Variants in SOD1 observed in about 807,000 individuals in gnomAD.
The protein encoded by SOD1 is superoxide dismutase 1.
SOD1 carries 8 observed loss-of-function variants against 15.9 expected under a neutral mutation model. That is an observed-to-expected ratio of 0.50 (90% CI 0.30 to 0.91). The LOEUF (loss-of-function observed/expected upper bound fraction) is 0.91. Among genes scored for constraint, SOD1 ranks in the 40% least tolerant of loss-of-function variants. The pLI, the probability that SOD1 is intolerant of heterozygous loss-of-function variation, is 0.07. For missense variants in SOD1, 137 were observed against 194.5 expected, an observed-to-expected ratio of 0.70 and a Z score of 1.76; for synonymous variants, 86 against 71.2, an observed-to-expected ratio of 1.21 and a Z score of -1.04.
chr21:31,663,689 C>T (rs1443242704), intron 1 of SOD1, 101 bp from the exon 2 acceptor site: 4 of 925,764 alleles, frequency 4.3e-6, no homozygotes, highest in Admixed American at 1.9e-5. Context: ...GATTTTTCCA[C>T]TCCCAAGTCT....
rs535923763 is a variant in SOD1, at chr21:31,663,897, T to A, written c.169+11T>A. The A allele has an allele frequency of 1.9e-6, 3 of 1,601,920 alleles. No homozygotes were observed. The South Asian group carries it at 3.3e-5, about 18-fold the overall frequency. ...GAGATAATACAGCAGGTGGGTGTTG[T>A]GCTGTGCTGGTGACCCATACTTGTT... On this transcript the variant is annotated intron_variant, in intron 2 of 4. Transcript: ENST00000270142.
At position 31,666,831 on chromosome 21, in the gene SOD1, A is replaced by T. The variant is rs940694072; in HGVS notation, c.239+313A>T. The stretch of plus-strand genomic sequence containing the variant: ...GTACTGTCAACCACTAGCAAAATCA[A>T]TCATCATTGTGAAACATAGGAAGCT... On this transcript the variant is annotated intron_variant, in intron 3 of 4. Transcript: ENST00000270142. 7 of 425,464 alleles carry T rather than the reference A, an allele frequency of 1.6e-5. No homozygotes were observed. In the Admixed American group the frequency reaches 2.7e-4, roughly 17 times the overall value. The allele number at this position is 425,464 out of a possible 1,614,324, so 26.4% of individuals were successfully genotyped here.
rs1048624863 is a variant in SOD1 at position 31,668,383 on chromosome 21, T to G, written c.358-88T>G. ...GATTAATGTTATTTTTCTAATATTATGAGGTTCTTAAACATCTTTTGGGTA... is the reference window on the plus strand; with the variant it reads ...GATTAATGTTATTTTTCTAATATTAGGAGGTTCTTAAACATCTTTTGGGTA... On this transcript the variant is annotated intron_variant, in intron 4 of 4. Transcript: ENST00000270142. 13 of 846,478 alleles carry G rather than the reference T, an allele frequency of 1.5e-5. No individual in the cohort carries two copies. The East Asian group carries it at 2.7e-4, about 17-fold the overall frequency. The allele number at this position is 846,478 out of a possible 1,614,324, so 52.4% of individuals were successfully genotyped here.
intron 1 of SOD1, among the ~76,000 whole-genome samples, chr21:31,662,113 G>C (rs1377846283): frequency 6.6e-6 from 1 of 152,152 alleles, no homozygotes; most frequent in East Asian, 1.9e-4. Context: ...CCTGGTCCCT[G>C]CAGGGTTGTA....
rs1555836710 is a variant in SOD1, at chr21:31,666,431, T to C, written c.170-18T>C. 1.9e-6 allele frequency: 3 copies of C among 1,589,680 alleles called. No homozygotes were observed. The highest frequency in any genetic ancestry group is 2.2e-5 in the South Asian group (2 of 90,024). Reference sequence around the variant, plus strand: ...TTTAATTCATAATTTAGCTTTTTTTTCTTCTTCTTATAAATAGGCTGTACC... The same window carrying C: ...TTTAATTCATAATTTAGCTTTTTTTCCTTCTTCTTATAAATAGGCTGTACC... On this transcript the variant is annotated intron_variant, in intron 2 of 4. Coordinates refer to ENST00000270142, the MANE Select transcript of SOD1 (RefSeq NM_000454.5).
chr21:31,666,415 T>C (rs751865612), intron 2 of SOD1, 34 bp from the exon 3 acceptor site: 1 of 1,521,148 alleles, frequency 6.6e-7, no homozygotes, highest in East Asian at 2.3e-5. Context: ...CTTTAATTCA[T>C]AATTTAGCTT....
intron 2 of SOD1, among the ~76,000 whole-genome samples, chr21:31,665,274 C>T (rs2123433426): frequency 6.6e-6 from 1 of 152,298 alleles, no homozygotes; most frequent in Non-Finnish European, 1.5e-5. Flanking sequence ...AGCAAGTTAA[C>T]AGAAGTTTAT....
At chr21:31,660,769 G>C (rs17880795) in intron 1 of SOD1, 129 of 152,336 alleles carry the variant, frequency 8.5e-4, no homozygotes, top group African/African-American at 2.7e-3. Context: ...CTACGATTGA[G>C]AACTGTCGTT....
At chr21:31,663,125 C>CT (rs766108641) in intron 1 of SOD1, among the ~76,000 whole-genome samples, 5,336 of 114,554 alleles carry the variant, frequency 0.047, 126 homozygotes, top group Non-Finnish European at 0.057. Context: ...GCGACTTTTT[C>CT]TTTTTTTTTT....
rs940249245 is a variant in SOD1 at position 31,668,760 on chromosome 21, A to G, written c.*182A>G. The G allele has an allele frequency of 1.5e-5, 9 of 600,662 alleles. No homozygotes were observed. Among genetic ancestry groups the G allele is most frequent in the Non-Finnish European group, 2.4e-5 (8 of 336,506 alleles). 37.2% of individuals were successfully genotyped at this position (600,662 alleles called of 1,614,324 possible). The stretch of plus-strand genomic sequence containing the variant: ...TTATGATCACTTGGAAGATTTGTAT[A>G]GTTTTATAAAACTCAGTTAAAATGT... On this transcript the variant is annotated 3_prime_UTR_variant, in exon 5 of 5. Transcript: ENST00000270142.
At chr21:31,662,082 G>A (rs1247764600) in intron 1 of SOD1, among the ~76,000 whole-genome samples, 1 of 152,150 alleles carries the variant, frequency 6.6e-6, no homozygotes, top group East Asian at 1.9e-4. Flanking sequence ...CCAGGCCTGT[G>A]TTATTCACTT....
Position 31,659,700 on chromosome 21 carries a change from A to T in SOD1, c.-70A>T. 1.3e-6 allele frequency: 2 copies of T among 1,507,718 alleles called. No homozygotes were observed. The highest frequency in any genetic ancestry group is 1.8e-6 in the Non-Finnish European group (2 of 1,084,390). 93.4% of individuals were successfully genotyped at this position (1,507,718 alleles called of 1,614,324 possible). ...GAGACGGGGTGCTGGTTTGCGTCGT[A>T]GTCTCCTGCAGCGTCTGGGGTTTCC... On this transcript the variant is annotated 5_prime_UTR_variant, in exon 1 of 5. Coordinates refer to ENST00000270142, the MANE Select transcript of SOD1 (RefSeq NM_000454.5).
chr21:31,665,022 G>A (rs926256167), intron 2 of SOD1, among the ~76,000 whole-genome samples: 6 of 152,070 alleles, frequency 3.9e-5, no homozygotes, highest in African/African-American at 1.2e-4. Context: ...TGGGTGCCTC[G>A]AGCAAAGGGG....
intron 2 of SOD1, among the ~76,000 whole-genome samples, 190 bp downstream of exon 2, chr21:31,664,076 C>T (rs2049572390): frequency 6.6e-6 from 1 of 152,126 alleles, no homozygotes; most frequent in African/African-American, 2.4e-5. Flanking sequence ...TCCCAGGCTC[C>T]ATTGATCCTC....
At chr21:31,668,405 G>A in intron 4 of SOD1, 66 bp from the exon 5 acceptor site, 1 of 971,624 alleles carries the variant, frequency 1.0e-6, no homozygotes, top group South Asian at 1.3e-5. Flanking sequence ...ACATCTTTTG[G>A]GTATTGTTGG....
intron 1 of SOD1, chr21:31,661,637 CA>C: frequency 6.6e-6 from 1 of 152,592 alleles, no homozygotes; most frequent in Admixed American, 6.5e-5. Flanking sequence ...GCTGGGATTA[CA>C]GGCGTGAGCC....
intron 1 of SOD1, chr21:31,661,617 C>T (rs892571798): frequency 2.0e-5 from 3 of 152,570 alleles, no homozygotes; most frequent in Admixed American, 2.0e-4. Flanking sequence ...CCGCCTCGGC[C>T]TCCCAAAGTG....
At chr21:31,667,844 C>G (rs17881732) in intron 4 of SOD1, among the ~76,000 whole-genome samples, 1 of 152,138 alleles carries the variant, frequency 6.6e-6, no homozygotes, top group Non-Finnish European at 1.5e-5. Context: ...CTGGTTCTTG[C>G]AAAACACCAA....
At chr21:31,659,992 G>A in intron 1 of SOD1, 151 bp downstream of exon 1, 1 of 661,212 alleles carries the variant, frequency 1.5e-6, no homozygotes, top group Non-Finnish European at 2.4e-6. Context: ...CGGTGCCTTC[G>A]CCCCCAGCGG....
Sources: allele counts gnomAD v4.1 joint callset (sites outside exome capture counted in the v4.1 genomes callset), GRCh38; gene constraint gnomAD v4.1.1; transcripts MANE v1.5; gene names NCBI Gene and HGNC (gene_info 2026-07-23, HGNC 2026-07-21).